Variants in PRKCE observed in about 807,000 individuals in gnomAD.
PRKCE encodes the protein protein kinase C epsilon type.
A neutral mutation model predicts 85.4 loss-of-function variants in PRKCE; 16 were observed. The observed-to-expected ratio is 0.19, with a 90% CI of 0.13 to 0.28. PRKCE has a LOEUF of 0.28. PRKCE is among the 10% of genes least tolerant of loss of function. The probability of loss-of-function intolerance (pLI) is 1.00; values close to 1 mark genes in which losing one functional copy is unlikely to be tolerated. For synonymous variants in PRKCE, 388 were observed against 371.5 expected (o/e 1.04, Z -0.51); for missense variants, 573 against 975.2 (o/e 0.59, Z 5.49).
At chr2:45,939,401 G>A (rs1403872295) in intron 2 of PRKCE, among the ~76,000 whole-genome samples, 2 of 152,138 alleles carry the variant, frequency 1.3e-5, no homozygotes, top group African/African-American at 4.8e-5. Flanking sequence ...CCTTCCGCAT[G>A]TTGCTCTTTC....
chr2:46,043,485 A>G (rs944918781), intron 10 of PRKCE, among the ~76,000 whole-genome samples: 3 of 152,218 alleles, frequency 2.0e-5, no homozygotes, highest in Admixed American at 6.5e-5. Flanking sequence ...GTTTTAACTT[A>G]CAAGAGCAGT....
chr2:45,889,714 A>G (rs1310789378), intron 2 of PRKCE, among the ~76,000 whole-genome samples: 1 of 152,192 alleles, frequency 6.6e-6, no homozygotes, highest in East Asian at 1.9e-4. Context: ...CAGAAGTTGT[A>G]TCTGCAGAAT....
intron 1 of PRKCE, among the ~76,000 whole-genome samples, chr2:45,725,659 C>A (rs1214060115): frequency 6.6e-6 from 1 of 152,022 alleles, no homozygotes; most frequent in East Asian, 1.9e-4. Context: ...GGTGAAATTC[C>A]ATCTCCACTA....
chr2:45,665,240 C>G (rs1675856821), intron 1 of PRKCE, among the ~76,000 whole-genome samples: 1 of 152,180 alleles, frequency 6.6e-6, no homozygotes, highest in African/African-American at 2.4e-5. Context: ...TTTTCTTCTT[C>G]TTTGCAACCA....
rs1432578043 is a variant in PRKCE, at chr2:45,652,750, C to T, written c.348+302C>T. On this transcript the variant is annotated intron_variant, in intron 1 of 14. Coordinates refer to ENST00000306156, the MANE Select transcript of PRKCE (RefSeq NM_005400.3). This position sits in a 1 kb window ranked among gnomAD's most constrained non-coding sequence, Gnocchi z 7.7. Reference sequence around the variant, plus strand: ...TGGGCCACTGGTGCTGAAGGTTGGCCGAGGACCCGGCTTTCTTCCGCAGGC... The same window carrying T: ...TGGGCCACTGGTGCTGAAGGTTGGCTGAGGACCCGGCTTTCTTCCGCAGGC... Among the ~76,000 whole-genome samples, 1 of 152,124 alleles carries T rather than the reference C, an allele frequency of 6.6e-6. No individual in the cohort carries two copies. The highest frequency in any genetic ancestry group is 1.5e-5 in the Non-Finnish European group (1 of 68,022).
In PRKCE at chr2:45,763,354, TA is replaced by T. The variant is rs369274668; in HGVS notation, c.349-79640del. ...CTTTGTTAGATAAGGAACTTTTCAG[TA>T]AAAAACAGCAGAGACCTGTCTAGTG... On this transcript the variant is annotated intron_variant, in intron 1 of 14. Coordinates refer to ENST00000306156, the MANE Select transcript of PRKCE (RefSeq NM_005400.3). 2.6e-5 allele frequency among the ~76,000 whole-genome samples: 4 copies of T among 152,230 alleles called. No homozygotes were observed. The East Asian group carries it at 7.7e-4, about 29-fold the overall frequency.
At chr2:45,861,565 TC>T (rs1380009238) in intron 2 of PRKCE, among the ~76,000 whole-genome samples, 4 of 152,150 alleles carry the variant, frequency 2.6e-5, no homozygotes, top group African/African-American at 9.7e-5. Flanking sequence ...AGGCTTCAGG[TC>T]CCCAAGACTG....
chr2:45,847,513 GA>G (rs1691891782), intron 2 of PRKCE, among the ~76,000 whole-genome samples: 1 of 152,196 alleles, frequency 6.6e-6, no homozygotes, highest in African/African-American at 2.4e-5. Context: ...GCTTGGTTCT[GA>G]AATAATAACA....
intron 1 of PRKCE, among the ~76,000 whole-genome samples, chr2:45,751,807 C>CTTTTT (rs1444919980): frequency 2.0e-4 from 25 of 124,270 alleles, no homozygotes; most frequent in African/African-American, 7.4e-4. Flanking sequence ...AAGCTAACCA[C>CTTTTT]TATTTTTTTT....
chr2:45,861,914 A>C (rs957468421), intron 2 of PRKCE, among the ~76,000 whole-genome samples: 3 of 152,168 alleles, frequency 2.0e-5, no homozygotes, highest in Non-Finnish European at 2.9e-5. Flanking sequence ...GGTTAAGTAA[A>C]AAAAGTAAGT....
At chr2:45,744,417 C>CT (rs1237799163) in intron 1 of PRKCE, among the ~76,000 whole-genome samples, 421 of 10,382 alleles carry the variant, frequency 0.041, 2 homozygotes, top group Non-Finnish European at 0.088. Flanking sequence ...CTTTTCTTTT[C>CT]TTTCTTTCTT....
chr2:46,073,929 G>C (rs979719751), intron 10 of PRKCE: 1 of 152,168 alleles, frequency 6.6e-6, no homozygotes, highest in Admixed American at 6.5e-5. Context: ...TCTGCAAGCT[G>C]AACAGATGCT....
At chr2:45,795,082 TCTC>T (rs1177439446) in intron 1 of PRKCE, among the ~76,000 whole-genome samples, 4 of 152,230 alleles carry the variant, frequency 2.6e-5, no homozygotes, top group African/African-American at 7.2e-5. Flanking sequence ...CAGCACCTCT[TCTC>T]CTTCTTGAGG....
At position 46,146,718 on chromosome 2, in the gene PRKCE, G is replaced by C. The variant is rs564625656; in HGVS notation, c.1731+1487G>C. Among the ~76,000 whole-genome samples the C allele has an allele frequency of 9.7e-4, 148 of 152,258 alleles. 1 individual carries two copies. Among genetic ancestry groups the C allele is most frequent in the African/African-American group, 3.5e-3 (144 of 41,534 alleles). On this transcript the variant is annotated intron_variant, in intron 12 of 14. Transcript: ENST00000306156. ...TCTAATCTGGGTACTGCCAGGATCC[G>C]GCACACAAATCAGGATCTTAGAAAG...
At chr2:45,666,391 C>G (rs540736035) in intron 1 of PRKCE, among the ~76,000 whole-genome samples, 1 of 152,114 alleles carries the variant, frequency 6.6e-6, no homozygotes, top group South Asian at 2.1e-4. Context: ...GTGAAGTCTG[C>G]TCATCCCTCC....
At chr2:45,679,427 G>A (rs556773211) in intron 1 of PRKCE, among the ~76,000 whole-genome samples, 1 of 152,248 alleles carries the variant, frequency 6.6e-6, no homozygotes, top group African/African-American at 2.4e-5. Flanking sequence ...GTGATACTGG[G>A]CTAAAGAAAA....
chr2:45,943,507 G>A (rs923840718), intron 2 of PRKCE, among the ~76,000 whole-genome samples: 1 of 152,220 alleles, frequency 6.6e-6, no homozygotes, highest in Admixed American at 6.5e-5. Context: ...TTGTAATTTA[G>A]TTTTACAAGA....
intron 1 of PRKCE, among the ~76,000 whole-genome samples, chr2:45,837,115 A>G (rs1024945443): frequency 6.6e-6 from 1 of 152,240 alleles, no homozygotes; most frequent in African/African-American, 2.4e-5. Context: ...CGGGGGGCTG[A>G]CAGCAGCACA....
At chr2:45,772,717 T>C (rs1685438867) in intron 1 of PRKCE, among the ~76,000 whole-genome samples, 1 of 151,956 alleles carries the variant, frequency 6.6e-6, no homozygotes, top group African/African-American at 2.4e-5. Flanking sequence ...TCAGCACCAT[T>C]TAGGGTGAAG....
Sources: allele counts gnomAD v4.1 joint callset (sites outside exome capture counted in the v4.1 genomes callset), GRCh38; gene constraint gnomAD v4.1.1; non-coding constraint Gnocchi (gnomAD v3.1); transcripts MANE v1.5; gene names NCBI Gene and HGNC (gene_info 2026-07-23, HGNC 2026-07-21).